The following CSMD1 variants were observed in gnomAD, a reference collection of about 807,000 sequenced individuals.
CSMD1 encodes CUB and sushi domain-containing protein 1.
In CSMD1, 213 loss-of-function variants were observed where a neutral mutation model predicts 417.5. That is an observed-to-expected ratio of 0.51 (90% CI 0.46 to 0.57). The LOEUF (loss-of-function observed/expected upper bound fraction) is 0.57. Ranked by LOEUF, CSMD1 falls within the 20% of genes least tolerant of loss-of-function variation. The pLI, the probability that CSMD1 is intolerant of heterozygous loss-of-function variation, is 0.00. For synonymous variants in CSMD1, 2,862 were observed against 1,736.8 expected, an observed-to-expected ratio of 1.65 and a Z score of -16.11; for missense variants, 6,923 against 4,529.7, an observed-to-expected ratio of 1.53 and a Z score of -15.17.
At chr8:3,056,517 G>A (rs375573192) in intron 49 of CSMD1, among the ~76,000 whole-genome samples, 4 of 151,922 alleles carry the variant, frequency 2.6e-5, no homozygotes, top group African/African-American at 9.7e-5. Context: ...TACAGGCCCA[G>A]GCCACCACGC....
At chr8:3,028,661 T>C (rs1408475221) in intron 51 of CSMD1, among the ~76,000 whole-genome samples, 1 of 152,220 alleles carries the variant, frequency 6.6e-6, no homozygotes, top group African/African-American at 2.4e-5. Context: ...ACATTCATGC[T>C]TTTGTCTTTT....
intron 10 of CSMD1, among the ~76,000 whole-genome samples, chr8:3,494,597 TA>T (rs1563092140): frequency 2.0e-5 from 3 of 148,610 alleles, no homozygotes; most frequent in East Asian, 3.9e-4. Flanking sequence ...GATAGATAGA[TA>T]GATAGATAGA....
At position 4,795,546 on chromosome 8, in the gene CSMD1, G is replaced by C. The variant is rs7004670; in HGVS notation, c.86-157988C>G. 5.7e-3 allele frequency among the ~76,000 whole-genome samples: 868 copies of C among 151,994 alleles called. 12 individuals are homozygous for C. The highest frequency in any genetic ancestry group is 0.02 in the African/African-American group (846 of 41,460). ...CAAAGTTCTGGTATTGCAGGCATGA[G>C]CCACCGCACCCGGCCAGCTTTCTTA... On this transcript the variant is annotated intron_variant, in intron 1 of 69. Transcript: ENST00000635120.
chr8:3,456,010 G>T (rs992444278), intron 12 of CSMD1, among the ~76,000 whole-genome samples: 10 of 152,132 alleles, frequency 6.6e-5, no homozygotes, highest in Non-Finnish European at 1.3e-4. Flanking sequence ...CTGGGCAATG[G>T]TGGGTGCCCC....
chr8:3,900,166 C>A (rs1385768838), intron 5 of CSMD1, among the ~76,000 whole-genome samples: 2 of 151,920 alleles, frequency 1.3e-5, no homozygotes, highest in Non-Finnish European at 2.9e-5. Context: ...GACACCACAG[C>A]TGGGTGACAG....
chr8:3,936,991 G>T (rs150634902), intron 5 of CSMD1, among the ~76,000 whole-genome samples: 2 of 152,214 alleles, frequency 1.3e-5, no homozygotes, highest in South Asian at 2.1e-4. Context: ...TTCAATCCTC[G>T]TGAATGACTT....
At chr8:4,401,581 C>T (rs144304288) in intron 3 of CSMD1, among the ~76,000 whole-genome samples, 30 of 152,210 alleles carry the variant, frequency 2.0e-4, no homozygotes, top group African/African-American at 7.2e-4. Context: ...TAGACCAATC[C>T]ATCATGTCCT....
chr8:3,719,289 C>G (rs1340951351), intron 6 of CSMD1, among the ~76,000 whole-genome samples: 2 of 152,162 alleles, frequency 1.3e-5, no homozygotes, highest in African/African-American at 2.4e-5. Flanking sequence ...AAAAAGGCCA[C>G]TGCCCTAGAG....
intron 11 of CSMD1, among the ~76,000 whole-genome samples, chr8:3,485,512 G>C (rs1203683343): frequency 3.0e-5 from 4 of 134,868 alleles, no homozygotes; most frequent in Non-Finnish European, 6.4e-5. Context: ...AAATTGTATA[G>C]AACTTCATAA....
intron 42 of CSMD1, among the ~76,000 whole-genome samples, chr8:3,117,325 C>T (rs1816933885): frequency 6.6e-6 from 1 of 152,136 alleles, no homozygotes; most frequent in Non-Finnish European, 1.5e-5. Flanking sequence ...CCCACCTCAG[C>T]CTCCCAAAGT....
intron 10 of CSMD1, among the ~76,000 whole-genome samples, chr8:3,565,331 C>T (rs967059580): frequency 7.5e-6 from 1 of 132,766 alleles, no homozygotes; most frequent in East Asian, 1.9e-4. Context: ...GTGAACAGGG[C>T]AGTTGGTGGA....
intron 48 of CSMD1, among the ~76,000 whole-genome samples, chr8:3,090,565 T>G (rs1382655962): frequency 6.6e-6 from 1 of 152,158 alleles, no homozygotes; most frequent in Non-Finnish European, 1.5e-5. Context: ...AACCTTATTC[T>G]TACAACTGCT....
At chr8:3,650,231 T>C (rs903335610) in intron 7 of CSMD1, among the ~76,000 whole-genome samples, 4 of 151,960 alleles carry the variant, frequency 2.6e-5, no homozygotes, top group African/African-American at 7.3e-5. Flanking sequence ...TGACCTGAGA[T>C]TGCTTCATTG....
chr8:3,970,754 TTTTTTG>T (rs890776075), intron 5 of CSMD1, among the ~76,000 whole-genome samples: 49 of 152,160 alleles, frequency 3.2e-4, no homozygotes, highest in Middle Eastern at 3.4e-3. Flanking sequence ...TGTTTTTTGT[TTTTTTG>T]TTTTTGTTTT....
chr8:4,461,480 G>C (rs1250093164), intron 2 of CSMD1, among the ~76,000 whole-genome samples: 1 of 134,594 alleles, frequency 7.4e-6, no homozygotes, highest in Non-Finnish European at 1.5e-5. Context: ...AAAACTATTA[G>C]AATTTAAGAA....
intron 5 of CSMD1, among the ~76,000 whole-genome samples, chr8:3,917,435 ACACACG>A (rs1203240223): frequency 3.2e-5 from 4 of 126,872 alleles, no homozygotes; most frequent in Non-Finnish European, 5.1e-5. Flanking sequence ...ACACACACAC[ACACACG>A]CTCATGCGCG....
chr8:3,850,069 T>G (rs1299414067), intron 5 of CSMD1, among the ~76,000 whole-genome samples: 1 of 152,350 alleles, frequency 6.6e-6, no homozygotes, highest in South Asian at 2.1e-4. Context: ...GTGTTGGGAT[T>G]ACAGGCATGA....
At chr8:4,143,349 G>C (rs935800056) in intron 3 of CSMD1, among the ~76,000 whole-genome samples, 3 of 140,078 alleles carry the variant, frequency 2.1e-5, no homozygotes, top group African/African-American at 8.3e-5. Flanking sequence ...ATGGGCTGCT[G>C]AAATATAATG....
chr8:3,804,956 G>A (rs1034205231), intron 5 of CSMD1, among the ~76,000 whole-genome samples: 1 of 152,088 alleles, frequency 6.6e-6, no homozygotes, highest in African/African-American at 2.4e-5. Flanking sequence ...CTCCACCTCT[G>A]TGGCCAGAGA....
Sources: gnomAD v4.1 joint callset for allele counts (sites outside exome capture counted in the v4.1 genomes callset) on GRCh38, gnomAD v4.1.1 for gene constraint, MANE v1.5 for transcripts, NCBI Gene and HGNC (gene_info 2026-07-23, HGNC 2026-07-21) for gene names.